The following CDH13 variants were observed in gnomAD, a reference collection of about 807,000 sequenced individuals.
CDH13 encodes the protein cadherin-13.
CDH13 carries 24 observed loss-of-function variants against 63.8 expected under a neutral mutation model. The observed-to-expected ratio is 0.38, with a 90% CI of 0.27 to 0.53. CDH13 has a LOEUF of 0.53. Ranked by LOEUF, CDH13 falls within the 20% of genes least tolerant of loss-of-function variation. CDH13 has a pLI of 0.85. For missense variants in CDH13, 1,049 were observed against 903.1 expected (o/e 1.16, Z -2.07); for synonymous variants, 503 against 355.3 (o/e 1.42, Z -4.67).
chr16:82,783,622 A>C lies in CDH13; in HGVS notation c.46-74740A>C, dbSNP rs2035868688. 2.0e-5 allele frequency among the ~76,000 whole-genome samples: 3 copies of C among 152,362 alleles called. No individual in the cohort carries two copies. The South Asian group carries it at 6.2e-4, about 32-fold the overall frequency. On this transcript the variant is annotated intron_variant, in intron 1 of 13. Coordinates refer to ENST00000567109, the MANE Select transcript of CDH13 (RefSeq NM_001257.5). ...CCCTGAGCTGTCTTGGAGCCAAAGT[A>C]AGTTCTTCACGGAACTAAATGGAGT...
intron 6 of CDH13, among the ~76,000 whole-genome samples, chr16:83,391,450 C>G (rs774954318): frequency 6.6e-6 from 1 of 152,168 alleles, no homozygotes; most frequent in Non-Finnish European, 1.5e-5. Flanking sequence ...GTGATCCGCC[C>G]GCCTCAGCCT....
chr16:82,690,500 T>G (rs919176139), intron 1 of CDH13, among the ~76,000 whole-genome samples: 1 of 152,098 alleles, frequency 6.6e-6, no homozygotes, highest in African/African-American at 2.4e-5. Flanking sequence ...AGCACACAAG[T>G]TTGTAGATTA....
intron 11 of CDH13, among the ~76,000 whole-genome samples, chr16:83,761,131 C>G (rs1203280105): frequency 1.3e-5 from 2 of 152,146 alleles, no homozygotes; most frequent in Non-Finnish European, 2.9e-5. Context: ...AGGATACAAA[C>G]TGTCAGATCA....
chr16:83,151,949 A>AAG (rs2036999391), intron 4 of CDH13, among the ~76,000 whole-genome samples: 1 of 152,304 alleles, frequency 6.6e-6, no homozygotes, highest in East Asian at 1.9e-4. Context: ...GCAACAAAAA[A>AAG]AAAAGAAAAG....
intron 6 of CDH13, among the ~76,000 whole-genome samples, chr16:83,354,329 C>T (rs537189824): frequency 1.5e-4 from 23 of 152,268 alleles, no homozygotes; most frequent in South Asian, 8.3e-4. Flanking sequence ...TTTATAATTT[C>T]GGGGAAACCC....
intron 1 of CDH13, among the ~76,000 whole-genome samples, chr16:82,756,423 G>A (rs566105540): frequency 6.6e-6 from 1 of 152,262 alleles, no homozygotes; most frequent in Admixed American, 6.5e-5. Flanking sequence ...ACCAGGAACT[G>A]TGTTAAATCC....
intron 1 of CDH13, among the ~76,000 whole-genome samples, chr16:82,688,639 A>T (rs937341048): frequency 6.6e-6 from 1 of 152,230 alleles, no homozygotes. Context: ...CCATTTTGGG[A>T]TGGTTCTGAT....
At chr16:82,690,590 G>A (rs1383294317) in intron 1 of CDH13, among the ~76,000 whole-genome samples, 2 of 152,112 alleles carry the variant, frequency 1.3e-5, no homozygotes, top group Non-Finnish European at 2.9e-5. Context: ...GTGAGAATGA[G>A]CAAAGAGACA....
intron 7 of CDH13, among the ~76,000 whole-genome samples, chr16:83,562,319 C>T (rs1024345067): frequency 1.3e-5 from 2 of 152,042 alleles, no homozygotes; most frequent in African/African-American, 4.8e-5. Context: ...CAGAGTTCAG[C>T]TCTACTACCA....
intron 3 of CDH13, among the ~76,000 whole-genome samples, chr16:83,055,314 A>T (rs1036617115): frequency 2.6e-5 from 4 of 151,946 alleles, no homozygotes; most frequent in African/African-American, 7.2e-5. Context: ...GCAAGAGGAT[A>T]AGTCAATAAA....
At chr16:82,839,270 C>T (rs536001630) in intron 1 of CDH13, among the ~76,000 whole-genome samples, 4 of 152,178 alleles carry the variant, frequency 2.6e-5, no homozygotes, top group African/African-American at 9.7e-5. Flanking sequence ...TGTTTCCTCC[C>T]CTGGCCCTCT....
intron 1 of CDH13, among the ~76,000 whole-genome samples, chr16:82,817,453 A>G (rs1267202630): frequency 6.6e-6 from 1 of 152,162 alleles, no homozygotes; most frequent in Non-Finnish European, 1.5e-5. Flanking sequence ...AACAGTGACA[A>G]AATACTCTCA....
At chr16:82,928,695 G>C (rs1253483835) in intron 2 of CDH13, among the ~76,000 whole-genome samples, 1 of 152,332 alleles carries the variant, frequency 6.6e-6, no homozygotes, top group African/African-American at 2.4e-5. Flanking sequence ...GTAATTTACA[G>C]ATTTGAATGG....
intron 1 of CDH13, among the ~76,000 whole-genome samples, chr16:82,751,029 G>A (rs2034392115): frequency 6.6e-6 from 1 of 152,066 alleles, no homozygotes; most frequent in South Asian, 2.1e-4. Context: ...AACTTAACTG[G>A]GCTTCTACCA....
intron 5 of CDH13, among the ~76,000 whole-genome samples, chr16:83,279,221 T>G (rs927070135): frequency 6.6e-6 from 1 of 152,194 alleles, no homozygotes; most frequent in African/African-American, 2.4e-5. Context: ...AGGGCTAGAT[T>G]TATTCTGATT....
chr16:83,399,031 C>T (rs1026421806), intron 6 of CDH13, among the ~76,000 whole-genome samples: 1 of 152,164 alleles, frequency 6.6e-6, no homozygotes, highest in South Asian at 2.1e-4. Context: ...CACTCAAAGC[C>T]ATAGACCATT....
At chr16:83,048,401 C>G (rs1213465508) in intron 3 of CDH13, among the ~76,000 whole-genome samples, 1 of 152,200 alleles carries the variant, frequency 6.6e-6, no homozygotes, top group Non-Finnish European at 1.5e-5. Flanking sequence ...ATGAGGTATT[C>G]ACGCTCCTGG....
intron 6 of CDH13, among the ~76,000 whole-genome samples, chr16:83,366,932 T>C (rs551929513): frequency 1.3e-5 from 2 of 152,308 alleles, no homozygotes; most frequent in African/African-American, 2.4e-5. Context: ...TCTTTTTTTT[T>C]CTCCTTCTTT....
intron 6 of CDH13, among the ~76,000 whole-genome samples, chr16:83,359,267 C>T (rs1290722765): frequency 1.3e-5 from 2 of 152,114 alleles, no homozygotes; most frequent in African/African-American, 4.8e-5. Flanking sequence ...TGTTATCTTA[C>T]CTCTCTGGGC....
Sources: allele counts gnomAD v4.1 joint callset (sites outside exome capture counted in the v4.1 genomes callset), GRCh38; gene constraint gnomAD v4.1.1; transcripts MANE v1.5; gene names NCBI Gene and HGNC (gene_info 2026-07-23, HGNC 2026-07-21).